ISCU: variants seen among roughly 807,000 people sequenced by gnomAD.
ISCU encodes iron-sulfur cluster assembly enzyme ISCU.
Under a neutral mutation model 18.4 loss-of-function variants are expected in ISCU, and 13 were observed. The observed-to-expected ratio is 0.71, with a 90% CI of 0.46 to 1.12. ISCU has a LOEUF of 1.12. ISCU is among the 50% of genes most tolerant of loss of function. The probability of loss-of-function intolerance (pLI) is 0.00; values close to 1 mark genes in which losing one functional copy is unlikely to be tolerated. For missense variants in ISCU, 229 were observed against 208.7 expected (o/e 1.10, Z -0.60); for synonymous variants, 104 against 87.5 (o/e 1.19, Z -1.06).
chr12:108,563,918 C>T, intron 1 of ISCU: 1 of 691,842 alleles, frequency 1.4e-6, no homozygotes, highest in Non-Finnish European at 2.6e-6. Context: ...TAGTAATCAT[C>T]CTTTGAGGAT....
chr12:108,564,180 C>A, intron 1 of ISCU, 99 bp from the exon 2 acceptor site: 1 of 1,581,180 alleles, frequency 6.3e-7, no homozygotes, highest in Non-Finnish European at 8.7e-7. Context: ...TTAGTGATTG[C>A]CTGCCAGGTT....
intron 4 of ISCU, chr12:108,567,666 C>T (rs1339947729): frequency 6.5e-7 from 1 of 1,535,714 alleles, no homozygotes; most frequent in East Asian, 2.4e-5. Flanking sequence ...AGAATCTGTG[C>T]TGTTTCCAGC....
At position 108,565,303 on chromosome 12, in the gene ISCU, C is replaced by T; in HGVS notation, c.229-18C>T. The T allele has an allele frequency of 6.3e-7, 1 of 1,592,168 alleles. No individual in the cohort carries two copies. Among genetic ancestry groups the T allele is most frequent in the Non-Finnish European group, 8.6e-7 (1 of 1,159,900 alleles). ...GGTGGTCCCAGGACTCACCACTTAA[C>T]TCTTGTCTCTTTTCTAGATTCAAGT... is the stretch of plus-strand genomic sequence containing the variant. On this transcript the variant is annotated intron_variant, in intron 2 of 4. Coordinates refer to ENST00000311893, the MANE Select transcript of ISCU (RefSeq NM_213595.4).
chr12:108,563,594 A>C (rs1202921139), intron 1 of ISCU: 1 of 213,868 alleles, frequency 4.7e-6, no homozygotes, highest in East Asian at 1.1e-4. Context: ...TCTGTGTGCC[A>C]GTTCGAATGG....
At chr12:108,568,632 T>G in intron 4 of ISCU, 199 bp from the exon 5 acceptor site, 1 of 1,437,834 alleles carries the variant, frequency 7.0e-7, no homozygotes, top group Non-Finnish European at 9.1e-7. Context: ...CTAGTCTGTC[T>G]CCAGGATCAC....
At chr12:108,562,523 C>T (rs1020121354), upstream of ISCU, 2 of 623,096 alleles carry the variant, frequency 3.2e-6, no homozygotes, top group African/African-American at 1.9e-5. Context: ...CGCAAAGCTT[C>T]GGTGACGTCA....
chr12:108,568,577 G>A, intron 4 of ISCU: 2 of 1,368,220 alleles, frequency 1.5e-6, no homozygotes, highest in Non-Finnish European at 1.9e-6. Context: ...AGAAAGTAGG[G>A]TCAAAGAGGC....
In ISCU at chr12:108,565,353, T is replaced by C. The variant is rs1479551421; in HGVS notation, c.261T>C (p.Asp87=). 3.7e-6 allele frequency: 6 copies of C among 1,614,038 alleles called. No homozygotes were observed. Among genetic ancestry groups the C allele is most frequent in the Non-Finnish European group, 5.1e-6 (6 of 1,179,994 alleles). ...IQVDEKGKIV[D]ARFKTFGCGS... is the part of the protein sequence containing the mutation. ...TGGATGAAAAGGGGAAGATTGTGGA[T>C]GCTAGGTTTAAAACATTTGGCTGTG... Residue 87 remains aspartate (D), a synonymous_variant, in exon 3 of 5, where the codon GAT becomes GAC. Coordinates refer to ENST00000311893, the MANE Select transcript of ISCU (RefSeq NM_213595.4).
intron 3 of ISCU, among the ~76,000 whole-genome samples, chr12:108,565,796 G>A (rs1193831602): frequency 2.0e-5 from 3 of 152,100 alleles, no homozygotes; most frequent in Non-Finnish European, 4.4e-5. Context: ...TTTCAGGAAG[G>A]GTTCTAGGTG....
rs77336352 is a variant in ISCU at position 108,567,015 on chromosome 12, C to T, written c.340-175C>T. On this transcript the variant is annotated intron_variant, in intron 3 of 4. Transcript: ENST00000311893. ...TGTGTATACTTCATGCTTGAGAATCCCAGCTGCAGCTTTGATAAAGTGGGA... is the reference window on the plus strand; with the variant it reads ...TGTGTATACTTCATGCTTGAGAATCTCAGCTGCAGCTTTGATAAAGTGGGA... Among the ~76,000 whole-genome samples the T allele has an allele frequency of 4.9e-3, 747 of 152,262 alleles. 8 individuals are homozygous for T. The highest frequency in any genetic ancestry group is 0.016 in the African/African-American group (666 of 41,550).
At position 108,567,426 on chromosome 12, in the gene ISCU, A is replaced by G. The variant is rs12306267; in HGVS notation, c.418+158A>G. ...TAACCTGCAGAGGGTTAGAGCCCCCATGGTCTCACATTCATCCCTAAGAGA... is the reference window on the plus strand; with the variant it reads ...TAACCTGCAGAGGGTTAGAGCCCCCGTGGTCTCACATTCATCCCTAAGAGA... On this transcript the variant is annotated intron_variant, in intron 4 of 4. Coordinates refer to ENST00000311893, the MANE Select transcript of ISCU (RefSeq NM_213595.4). The G allele has an allele frequency of 0.015, 11,106 of 743,358 alleles. 798 individuals are homozygous for G. The African/African-American group carries it at 0.17, about 11-fold the overall frequency. The allele number at this position is 743,358 out of a possible 1,614,324, so 46.0% of individuals were successfully genotyped here.
upstream of ISCU, among the ~76,000 whole-genome samples, chr12:108,562,021 G>A (rs2030591325): frequency 6.6e-6 from 1 of 152,112 alleles, no homozygotes; most frequent in Admixed American, 6.5e-5. Flanking sequence ...AGAGCGCCTT[G>A]ACACATAGTA....
chr12:108,564,416 T>C, intron 2 of ISCU, 24 bp downstream of exon 2: 1 of 1,471,480 alleles, frequency 6.8e-7, no homozygotes, highest in Non-Finnish European at 9.5e-7. Context: ...TTTTTAATAG[T>C]GATAACAATA....
At chr12:108,567,105 C>A in intron 3 of ISCU, 85 bp from the exon 4 acceptor site, 2 of 977,794 alleles carry the variant, frequency 2.0e-6, no homozygotes, top group Non-Finnish European at 3.3e-6. Flanking sequence ...ACCCTGAGAG[C>A]CTCTTTGGCC....
rs779184027 is a variant in ISCU, at chr12:108,562,668, C to T, written c.46C>T (p.Leu16=). 7.6e-6 allele frequency: 11 copies of T among 1,455,362 alleles called. No homozygotes were observed. The highest frequency in any genetic ancestry group is 9.9e-6 in the Non-Finnish European group (11 of 1,111,256). 90.2% of individuals were successfully genotyped at this position (1,455,362 alleles called of 1,614,324 possible). ...AFRLRRAASA[L]LLRSPRLPAR... is the part of the protein sequence containing the mutation. ...CCGTCTGAGGCGGGCGGCATCGGCT[C>T]TGCTGCTGCGGAGCCCCCGCCTGCC... Residue 16 remains leucine (L), a synonymous_variant, in exon 1 of 5, where the codon CTG becomes TTG. Transcript: ENST00000311893.
Position 108,562,663 on chromosome 12 carries a change from C to G in ISCU, c.41C>G (p.Ser14Trp), listed in dbSNP as rs750191026. ...GCTTTCCGTCTGAGGCGGGCGGCAT[C>G]GGCTCTGCTGCTGCGGAGCCCCCGC... ...AGAFRLRRAA[S>W]ALLLRSPRLP... is the part of the protein sequence containing the mutation. Residue 14 changes from serine (S) to tryptophan (W), a missense_variant, in exon 1 of 5, where the codon TCG (serine) becomes TGG (tryptophan). Ser to Trp is a radical substitution (Grantham distance 177, BLOSUM62 -3). Coordinates refer to ENST00000311893, the MANE Select transcript of ISCU (RefSeq NM_213595.4). The G allele has an allele frequency of 1.7e-5, 24 of 1,453,460 alleles. No individual in the cohort carries two copies. The highest frequency in any genetic ancestry group is 1.3e-5 in the Non-Finnish European group (14 of 1,109,232). 90.0% of individuals were successfully genotyped at this position (1,453,460 alleles called of 1,614,324 possible). A position where few individuals can be genotyped will look rare whatever the true frequency, so the allele number is the denominator to read the frequency against.
At chr12:108,567,709 G>T (rs2030966347) in intron 4 of ISCU, 1 of 1,535,972 alleles carries the variant, frequency 6.5e-7, no homozygotes, top group Non-Finnish European at 8.7e-7. Flanking sequence ...CCATAATCCT[G>T]TTTCCTGTGT....
intron 2 of ISCU, among the ~76,000 whole-genome samples, chr12:108,564,638 G>T (rs2136714169): frequency 6.6e-6 from 1 of 152,284 alleles, no homozygotes; most frequent in Admixed American, 6.5e-5. Flanking sequence ...TCTCATTTTT[G>T]TACTCACTGT....
At chr12:108,568,807 C>T (rs372447238) in intron 4 of ISCU, 24 bp from the exon 5 acceptor site, 3 of 1,606,140 alleles carry the variant, frequency 1.9e-6, no homozygotes, top group Non-Finnish European at 2.6e-6. Context: ...GAAACTTAGG[C>T]TTCTTTCCTT....
Sources: allele counts gnomAD v4.1 joint callset (sites outside exome capture counted in the v4.1 genomes callset), GRCh38; gene constraint gnomAD v4.1.1; transcripts MANE v1.5; gene names NCBI Gene and HGNC (gene_info 2026-07-23, HGNC 2026-07-21).